The following CAD variants were observed in gnomAD, a reference collection of about 807,000 sequenced individuals.
CAD encodes multifunctional protein CAD.
A neutral mutation model predicts 237.2 loss-of-function variants in CAD; 81 were observed. The ratio of observed to expected loss-of-function variants is 0.34; its 90% confidence interval spans 0.29 to 0.41. The LOEUF is 0.41. Ranked by LOEUF, CAD falls within the 10% of genes least tolerant of loss-of-function variation. The pLI is 1.00. For synonymous variants in CAD, 1,196 were observed against 1,162.8 expected, an observed-to-expected ratio of 1.03 and a Z score of -0.58; for missense variants, 2,181 against 2,951.7, an observed-to-expected ratio of 0.74 and a Z score of 6.05.
chr2:27,234,787 G>A (rs965663097), intron 23 of CAD, 102 bp downstream of exon 23: 15 of 1,114,780 alleles, frequency 1.3e-5, no homozygotes, highest in Non-Finnish European at 1.9e-5. Flanking sequence ...TGACTGCAAG[G>A]CATTGCCGGA....
rs1469435101 is a variant in CAD at position 27,243,666 on chromosome 2, C to A, written c.*148C>A. 2.7e-5 allele frequency: 18 copies of A among 665,556 alleles called. No homozygotes were observed. Among genetic ancestry groups the A allele is most frequent in the Non-Finnish European group, 1.0e-5 (4 of 387,294 alleles). The allele number at this position is 665,556 out of a possible 1,614,324, so 41.2% of individuals were successfully genotyped here. On this transcript the variant is annotated 3_prime_UTR_variant, in exon 44 of 44. Coordinates refer to ENST00000264705, the MANE Select transcript of CAD (RefSeq NM_004341.5). ...ACACTTCAGGCTCTGGACTGGAGCT[C>A]TCTGGCATGGGGGTGGGGCCTCAGA...
At position 27,223,474 on chromosome 2, in the gene CAD, G is replaced by A. The variant is rs576584105; in HGVS notation, c.810-89G>A. 3.6e-6 allele frequency: 4 copies of A among 1,123,438 alleles called. No homozygotes were observed. The Admixed American group carries it at 6.4e-5, about 18-fold the overall frequency. The allele number at this position is 1,123,438 out of a possible 1,614,324, so 69.6% of individuals were successfully genotyped here. A position where few individuals can be genotyped will look rare whatever the true frequency, so the allele number is the denominator to read the frequency against. ...AAAAGGAAACAGGAGTGAGGCTACT[G>A]AGAACAGGAGATCGGTGAGAGCTGG... On this transcript the variant is annotated intron_variant, in intron 6 of 43. Transcript: ENST00000264705.
chr2:27,238,279 G>A, intron 30 of CAD, 92 bp downstream of exon 30: 5 of 1,509,270 alleles, frequency 3.3e-6, no homozygotes, highest in Non-Finnish European at 4.5e-6. Flanking sequence ...ACAGCAGGAG[G>A]AGAGTCTGGA....
rs993117537 is a variant in CAD, at chr2:27,223,488, G to A, written c.810-75G>A. On this transcript the variant is annotated intron_variant, in intron 6 of 43. Transcript: ENST00000264705. ...GTGAGGCTACTGAGAACAGGAGATC[G>A]GTGAGAGCTGGGGTAGGTTCAGTAG... 8.6e-5 allele frequency: 112 copies of A among 1,300,486 alleles called. 2 individuals are homozygous for A. Among genetic ancestry groups the A allele is most frequent in the South Asian group, 5.7e-4 (45 of 79,122 alleles). The allele number at this position is 1,300,486 out of a possible 1,614,324, so 80.6% of individuals were successfully genotyped here. A position where few individuals can be genotyped will look rare whatever the true frequency, so the allele number is the denominator to read the frequency against.
Position 27,241,293 on chromosome 2 carries a change from C to T in CAD, c.5809-29C>T. The T allele has an allele frequency of 5.0e-6, 8 of 1,613,876 alleles. No individual in the cohort carries two copies. The highest frequency in any genetic ancestry group is 6.8e-6 in the Non-Finnish European group (8 of 1,179,778). On this transcript the variant is annotated intron_variant, in intron 37 of 43. Coordinates refer to ENST00000264705, the MANE Select transcript of CAD (RefSeq NM_004341.5). The surrounding 1 kb of genome is among the most constrained non-coding windows in gnomAD (Gnocchi z 4.6). ...GGATTTGGAAAGCTGGGGCTAGGAC[C>T]TTTCTAGCTAACTTGGGCTCTTTCT...
chr2:27,232,481 A>G lies in CAD; in HGVS notation c.2679A>G (p.Glu893=). ...TELAVRKLRQ[E]LGICPAVKQI... ...TGGCTGTTCGCAAGCTGCGTCAGGA[A>G]CTGGGGATCTGTCCAGCAGTGAAAC... Residue 893 remains glutamate (E), a synonymous_variant, in exon 18 of 44, where the codon GAA becomes GAG. Transcript: ENST00000264705. The surrounding 1 kb of genome is among the most constrained non-coding windows in gnomAD (Gnocchi z 4.1). 2.5e-6 allele frequency: 4 copies of G among 1,614,218 alleles called. No individual in the cohort carries two copies. The South Asian group carries it at 3.3e-5, about 13-fold the overall frequency.
In CAD at chr2:27,243,563, C is replaced by CCT; in HGVS notation, c.*45_*46insCT. The CCT allele has an allele frequency of 1.4e-6, 2 of 1,439,520 alleles. No homozygotes were observed. The highest frequency in any genetic ancestry group is 1.9e-6 in the Non-Finnish European group (2 of 1,045,294). The allele number at this position is 1,439,520 out of a possible 1,614,324, so 89.2% of individuals were successfully genotyped here. A position where few individuals can be genotyped will look rare whatever the true frequency, so the allele number is the denominator to read the frequency against. ...CTTCTCTTTAGGCCCAGCTGCTGGGCAAGGAATTCCAGTGCCTCCTACGGG... is the reference window on the plus strand; with the variant it reads ...CTTCTCTTTAGGCCCAGCTGCTGGGCCTAAGGAATTCCAGTGCCTCCTACGGG... On this transcript the variant is annotated 3_prime_UTR_variant, in exon 44 of 44. Transcript: ENST00000264705.
chr2:27,235,138 C>T lies in CAD; in HGVS notation c.3787-107C>T. ...GGGCACACAGAGAGGGCAGGCTGACCCTGCCATTCAGATGGGATCAAGCAC... is the reference window on the plus strand; with the variant it reads ...GGGCACACAGAGAGGGCAGGCTGACTCTGCCATTCAGATGGGATCAAGCAC... On this transcript the variant is annotated intron_variant, in intron 23 of 43. Transcript: ENST00000264705. This position sits in a 1 kb window ranked among gnomAD's most constrained non-coding sequence, Gnocchi z 5.2. 2 of 1,047,582 alleles carry T rather than the reference C, an allele frequency of 1.9e-6. No homozygotes were observed. Among genetic ancestry groups the T allele is most frequent in the Admixed American group, 2.8e-5 (1 of 35,890 alleles). The allele number at this position is 1,047,582 out of a possible 1,614,324, so 64.9% of individuals were successfully genotyped here.
Position 27,232,030 on chromosome 2 carries a change from G to A in CAD, c.2451G>A (p.Leu817=), listed in dbSNP as rs1414927318. The change falls in exon 17 of 44, where the codon TTG becomes TTA. Residue 817 remains leucine, a synonymous_variant. Transcript: ENST00000264705. The surrounding 1 kb of genome is among the most constrained non-coding windows in gnomAD (Gnocchi z 4.1). ...DKRIFVVAAA[L]WAGYSVDRLY... ...GGATTTTTGTGGTGGCAGCTGCTTTGTGGGCTGGTTATTCAGTGGACCGCC... is the reference window on the plus strand; with the variant it reads ...GGATTTTTGTGGTGGCAGCTGCTTTATGGGCTGGTTATTCAGTGGACCGCC... 2 of 1,614,090 alleles carry A rather than the reference G, an allele frequency of 1.2e-6. No homozygotes were observed. The highest frequency in any genetic ancestry group is 1.3e-5 in the African/African-American group (1 of 74,914).
At chr2:27,224,941 G>T (rs1393578121) in intron 10 of CAD, 65 bp downstream of exon 10, 2 of 1,609,944 alleles carry the variant, frequency 1.2e-6, no homozygotes, top group Non-Finnish European at 1.7e-6. Flanking sequence ...GTCACTGTGG[G>T]TTATTAAACT....
In CAD at chr2:27,240,134, G is replaced by A. The variant is rs1257045385; in HGVS notation, c.5497-131G>A. 1.7e-5 allele frequency: 13 copies of A among 753,074 alleles called. No homozygotes were observed. The highest frequency in any genetic ancestry group is 2.0e-5 in the Non-Finnish European group (9 of 443,984). The allele number at this position is 753,074 out of a possible 1,614,324, so 46.6% of individuals were successfully genotyped here. Reference sequence around the variant, plus strand: ...TGCACATCTGTAATCCCAGCTACTTGGGAGGCTGAGGCAGGAGAATTGCTT... The same window carrying A: ...TGCACATCTGTAATCCCAGCTACTTAGGAGGCTGAGGCAGGAGAATTGCTT... On this transcript the variant is annotated intron_variant, in intron 34 of 43. Coordinates refer to ENST00000264705, the MANE Select transcript of CAD (RefSeq NM_004341.5). This position sits in a 1 kb window ranked among gnomAD's most constrained non-coding sequence, Gnocchi z 4.6.
chr2:27,238,205 A>G lies in CAD; in HGVS notation c.4860+18A>G, dbSNP rs758492120. The G allele has an allele frequency of 1.2e-6, 2 of 1,612,922 alleles. No individual in the cohort carries two copies. The highest frequency in any genetic ancestry group is 3.3e-5 in the Admixed American group (2 of 59,898). Reference sequence around the variant, plus strand: ...AGGAGGAGGTAAGAGTACACCTGAGATCCTGCTGTCCCTGTTGCTTTCCCA... The same window carrying G: ...AGGAGGAGGTAAGAGTACACCTGAGGTCCTGCTGTCCCTGTTGCTTTCCCA... On this transcript the variant is annotated intron_variant, in intron 30 of 43. Coordinates refer to ENST00000264705, the MANE Select transcript of CAD (RefSeq NM_004341.5).
At position 27,232,183 on chromosome 2, in the gene CAD, T is replaced by C; in HGVS notation, c.2604T>C (p.Cys868=). 6.2e-7 allele frequency: 1 copy of C among 1,614,204 alleles called. No individual in the cohort carries two copies. Among genetic ancestry groups the C allele is most frequent in the South Asian group, 1.1e-5 (1 of 91,086 alleles). The part of the protein sequence containing the change: ...LPPDLLQQAK[C]LGFSDKQIAL... The stretch of plus-strand genomic sequence containing the variant: ...CAGACCTGCTGCAACAGGCCAAGTG[T>C]CTTGGCTTCTCAGACAAACAGATTG... The change falls in exon 17 of 44, where the codon TGT becomes TGC. Residue 868 remains cysteine, a synonymous_variant. Transcript: ENST00000264705. The surrounding 1 kb of genome is among the most constrained non-coding windows in gnomAD (Gnocchi z 4.1).
In CAD at chr2:27,239,443, G is replaced by A. The variant is rs1341652994; in HGVS notation, c.5366G>A (p.Arg1789Gln). 4.3e-6 allele frequency: 7 copies of A among 1,613,910 alleles called. No homozygotes were observed. Among genetic ancestry groups the A allele is most frequent in the East Asian group, 2.2e-5 (1 of 44,874 alleles). The stretch of plus-strand genomic sequence containing the variant: ...GGCACCGTCCGCCGTGTGGTCCTGC[G>A]AGGGGAGGTTGCCTATATCGATGGG... ...VKGTVRRVVL[R>Q]GEVAYIDGQV... Residue 1789 changes from arginine (R) to glutamine (Q), a missense_variant, in exon 33 of 44, where the codon CGA (arginine) becomes CAA (glutamine). Arg to Gln is a conservative substitution (Grantham distance 43). Coordinates refer to ENST00000264705, the MANE Select transcript of CAD (RefSeq NM_004341.5). This position sits in a 1 kb window ranked among gnomAD's most constrained non-coding sequence, Gnocchi z 4.0.
In CAD at chr2:27,236,234, C is replaced by T; in HGVS notation, c.4075-50C>T. Reference sequence around the variant, plus strand: ...GCTCCTCTCCCTTAAGGCTAGCCTTCCTGACCGCTGCCAGACAGCTTGGCC... The same window carrying T: ...GCTCCTCTCCCTTAAGGCTAGCCTTTCTGACCGCTGCCAGACAGCTTGGCC... On this transcript the variant is annotated intron_variant, in intron 25 of 43. Coordinates refer to ENST00000264705, the MANE Select transcript of CAD (RefSeq NM_004341.5). The surrounding 1 kb of genome is among the most constrained non-coding windows in gnomAD (Gnocchi z 4.1). 1.1e-5 allele frequency: 18 copies of T among 1,599,684 alleles called. No individual in the cohort carries two copies. The highest frequency in any genetic ancestry group is 1.5e-5 in the Non-Finnish European group (17 of 1,171,434).
chr2:27,236,330 G>A lies in CAD; in HGVS notation c.4121G>A (p.Cys1374Tyr), dbSNP rs747463268. ...WHFEEAVDGECPPQRSILEQL... is the reference protein window; with the variant it reads ...WHFEEAVDGEYPPQRSILEQL... ...TTTGAGGAGGCTGTGGATGGTGAGT[G>A]CCCACCACAGCGGAGCATCCTGGAG... The change falls in exon 26 of 44, where the codon TGC becomes TAC. Residue 1374 changes from cysteine (C) to tyrosine (Y), a missense_variant. Cys to Tyr is a radical substitution (Grantham distance 194). Coordinates refer to ENST00000264705, the MANE Select transcript of CAD (RefSeq NM_004341.5). The surrounding 1 kb of genome is among the most constrained non-coding windows in gnomAD (Gnocchi z 4.1). The A allele has an allele frequency of 6.2e-7, 1 of 1,614,120 alleles. No homozygotes were observed. The highest frequency in any genetic ancestry group is 1.7e-5 in the Admixed American group (1 of 60,028).
chr2:27,226,285 A>G lies in CAD; in HGVS notation c.1997A>G (p.Asn666Ser). ...TQHLGIVGEC[N>S]VQYALNPESE... is the part of the protein sequence containing the mutation. Reference sequence around the variant, plus strand: ...CACCTGGGAATTGTTGGGGAGTGCAATGTGCAGTATGCCTTGAACCCTGAG... The same window carrying G: ...CACCTGGGAATTGTTGGGGAGTGCAGTGTGCAGTATGCCTTGAACCCTGAG... Residue 666 changes from asparagine (N) to serine (S), a missense_variant, in exon 13 of 44, where the codon AAT (asparagine) becomes AGT (serine). Physicochemically the swap from Asn to Ser is conservative, Grantham distance 46. Coordinates refer to ENST00000264705, the MANE Select transcript of CAD (RefSeq NM_004341.5). 6.2e-7 allele frequency: 1 copy of G among 1,614,180 alleles called. No homozygotes were observed.
chr2:27,225,311 T>TTTTC (rs1553367444), intron 11 of CAD, 68 bp downstream of exon 11: 2 of 970,556 alleles, frequency 2.1e-6, no homozygotes, highest in Non-Finnish European at 1.5e-6. Flanking sequence ...TTCTTTTTTT[T>TTTTC]TTTTTTTTTT....
At position 27,236,619 on chromosome 2, in the gene CAD, A is replaced by G. The variant is rs1676016680; in HGVS notation, c.4314+96A>G. On this transcript the variant is annotated intron_variant, in intron 26 of 43. Coordinates refer to ENST00000264705, the MANE Select transcript of CAD (RefSeq NM_004341.5). This position sits in a 1 kb window ranked among gnomAD's most constrained non-coding sequence, Gnocchi z 4.1. ...TATGGAACAGCCATGCTAGTAATAA[A>G]GCTTTGTGGCTACAGAGGGAGAGAT... is the stretch of plus-strand genomic sequence containing the variant. 3 of 1,574,680 alleles carry G rather than the reference A, an allele frequency of 1.9e-6. No individual in the cohort carries two copies. Among genetic ancestry groups the G allele is most frequent in the Non-Finnish European group, 2.6e-6 (3 of 1,150,014 alleles).
Sources: allele counts gnomAD v4.1 joint callset, GRCh38; gene constraint gnomAD v4.1.1; non-coding constraint Gnocchi (gnomAD v3.1); transcripts MANE v1.5; gene names NCBI Gene and HGNC (gene_info 2026-07-23, HGNC 2026-07-21).